Variants in ERFE observed in about 807,000 individuals in gnomAD.
ERFE encodes erythroferrone.
In ERFE, 25 loss-of-function variants were observed where a neutral mutation model predicts 26.6. The observed-to-expected ratio is 0.94, with a 90% CI of 0.69 to 1.31. The LOEUF (loss-of-function observed/expected upper bound fraction) is 1.31. ERFE is among the 40% of genes most tolerant of loss of function. The probability of loss-of-function intolerance (pLI) is 0.00; values close to 1 mark genes in which losing one functional copy is unlikely to be tolerated. For synonymous variants in ERFE, 206 were observed against 204.5 expected (o/e 1.01, Z -0.06); for missense variants, 447 against 440.2 (o/e 1.02, Z -0.14).
At position 238,168,175 on chromosome 2, in the gene ERFE, G is replaced by T; in HGVS notation, c.*1121G>T. 1 of 308,318 alleles carries T rather than the reference G, an allele frequency of 3.2e-6. No individual in the cohort carries two copies. Among genetic ancestry groups the T allele is most frequent in the Non-Finnish European group, 6.6e-6 (1 of 151,460 alleles). The allele number at this position is 308,318 out of a possible 1,614,324, so 19.1% of individuals were successfully genotyped here. On this transcript the variant is annotated 3_prime_UTR_variant, in exon 8 of 8. Transcript: ENST00000546354. Reference sequence around the variant, plus strand: ...GCTCCTGTGGCAGTGATGGGGCCTGGGGATGGGGACGGCAGCTCTCATGAG... The same window carrying T: ...GCTCCTGTGGCAGTGATGGGGCCTGTGGATGGGGACGGCAGCTCTCATGAG...
rs1055424388 is a variant in ERFE at position 238,163,855 on chromosome 2, G to A, written c.543G>A (p.Val181=). ...CCGCCGGGGAGGACGACGACGACGT[G>A]GTGGGGGACGTGCTGGCACTGCTGG... ...SATAGEDDDD[V]VGDVLALLAA... The change falls in exon 4 of 8, where the codon GTG becomes GTA. Residue 181 remains valine (V), a synonymous_variant. Coordinates refer to ENST00000546354, the MANE Select transcript of ERFE (RefSeq NM_001291832.2). 3.0e-6 allele frequency: 4 copies of A among 1,320,874 alleles called. No individual in the cohort carries two copies. In the African/African-American group the frequency reaches 4.6e-5, roughly 15 times the overall value. The allele number at this position is 1,320,874 out of a possible 1,614,324, so 81.8% of individuals were successfully genotyped here.
At chr2:238,160,189 G>A (rs1040588099) in intron 1 of ERFE, among the ~76,000 whole-genome samples, 1 of 152,224 alleles carries the variant, frequency 6.6e-6, no homozygotes, top group African/African-American at 2.4e-5. Context: ...GGGACACAGT[G>A]ACACCAGAGG....
At position 238,162,684 on chromosome 2, in the gene ERFE, G is replaced by A. The variant is rs781666605; in HGVS notation, c.322-52G>A. The A allele has an allele frequency of 4.0e-5, 48 of 1,199,094 alleles. 1 individual carries two copies. In the Admixed American group the frequency reaches 8.3e-4, roughly 21 times the overall value. 74.3% of individuals were successfully genotyped at this position (1,199,094 alleles called of 1,614,324 possible). A position where few individuals can be genotyped will look rare whatever the true frequency, so the allele number is the denominator to read the frequency against. On this transcript the variant is annotated intron_variant, in intron 2 of 7. Transcript: ENST00000546354. ...GGCAAGAGCTTGCACAGGGGATGCT[G>A]TGGCTCCCAGCCTGCTCCTCACATG...
At position 238,167,903 on chromosome 2, in the gene ERFE, G is replaced by C. The variant is rs982932415; in HGVS notation, c.*849G>C. The C allele has an allele frequency of 5.1e-6, 1 of 197,298 alleles. No individual in the cohort carries two copies. Among genetic ancestry groups the C allele is most frequent in the Non-Finnish European group, 1.1e-5 (1 of 94,488 alleles). The allele number at this position is 197,298 out of a possible 1,614,324, so 12.2% of individuals were successfully genotyped here. A position where few individuals can be genotyped will look rare whatever the true frequency, so the allele number is the denominator to read the frequency against. ...ACTCACTGGTAGGAGCCACCCACCA[G>C]AGGAAAGATCTAGAACGTCTTTACA... is the stretch of plus-strand genomic sequence containing the variant. On this transcript the variant is annotated 3_prime_UTR_variant, in exon 8 of 8. Coordinates refer to ENST00000546354, the MANE Select transcript of ERFE (RefSeq NM_001291832.2).
chr2:238,164,475 A>G, intron 6 of ERFE, 115 bp downstream of exon 6: 2 of 1,008,240 alleles, frequency 2.0e-6, no homozygotes, highest in Non-Finnish European at 2.9e-6. Flanking sequence ...ACCGTGGCCT[A>G]GGTGACCCCA....
Position 238,166,955 on chromosome 2 carries a change from G to A in ERFE, c.967-1G>A. 6.5e-7 allele frequency: 1 copy of A among 1,550,342 alleles called. No individual in the cohort carries two copies. Among genetic ancestry groups the A allele is most frequent in the East Asian group, 2.4e-5 (1 of 40,920 alleles). ...GTGCCTCAAAGGCACCCTCCTTGCAGATGGGGCAGTGGACCTCCGTGTTCT... is the reference window on the plus strand; with the variant it reads ...GTGCCTCAAAGGCACCCTCCTTGCAAATGGGGCAGTGGACCTCCGTGTTCT... On this transcript the variant is annotated splice_acceptor_variant, in intron 7 of 7. Coordinates refer to ENST00000546354, the MANE Select transcript of ERFE (RefSeq NM_001291832.2). LOFTEE classifies it high-confidence loss of function.
Position 238,168,223 on chromosome 2 carries a change from A to G in ERFE, c.*1169A>G, listed in dbSNP as rs1367148075. 2.8e-6 allele frequency: 1 copy of G among 356,364 alleles called. No individual in the cohort carries two copies. The highest frequency in any genetic ancestry group is 5.8e-6 in the Non-Finnish European group (1 of 173,118). The allele number at this position is 356,364 out of a possible 1,614,324, so 22.1% of individuals were successfully genotyped here. On this transcript the variant is annotated 3_prime_UTR_variant, in exon 8 of 8. Coordinates refer to ENST00000546354, the MANE Select transcript of ERFE (RefSeq NM_001291832.2). ...GAGGACACACAGGCTGTGAGCCCGC[A>G]GCCTCCTCAAATGTAGCCTCCCACA...
At chr2:238,166,804 T>C (rs747032049) in intron 7 of ERFE, among the ~76,000 whole-genome samples, 152 bp from the exon 8 acceptor site, 9 of 152,368 alleles carry the variant, frequency 5.9e-5, no homozygotes, top group Non-Finnish European at 1.2e-4. Context: ...GGGCCCTTGC[T>C]CTGTGACCTT....
In ERFE at chr2:238,165,689, G is replaced by A; in HGVS notation, c.966+5G>A. ...AATGGCGTCCTGTACCTGCAGGTGA[G>A]TGCGGCAGGCTTGGGCATCGAGGGG... On this transcript the variant is annotated splice_donor_5th_base_variant and intron_variant, in intron 7 of 7. Coordinates refer to ENST00000546354, the MANE Select transcript of ERFE (RefSeq NM_001291832.2). 1.3e-6 allele frequency: 2 copies of A among 1,547,154 alleles called. No individual in the cohort carries two copies. Among genetic ancestry groups the A allele is most frequent in the Non-Finnish European group, 1.7e-6 (2 of 1,144,246 alleles).
rs552319900 is a variant in ERFE at position 238,168,556 on chromosome 2, C to T, written c.*1502C>T. 21 of 431,994 alleles carry T rather than the reference C, an allele frequency of 4.9e-5. No individual in the cohort carries two copies. The highest frequency in any genetic ancestry group is 3.6e-4 in the Admixed American group (13 of 36,334). The allele number at this position is 431,994 out of a possible 1,614,324, so 26.8% of individuals were successfully genotyped here. A position where few individuals can be genotyped will look rare whatever the true frequency, so the allele number is the denominator to read the frequency against. On this transcript the variant is annotated 3_prime_UTR_variant, in exon 8 of 8. Coordinates refer to ENST00000546354, the MANE Select transcript of ERFE (RefSeq NM_001291832.2). The stretch of plus-strand genomic sequence containing the variant: ...GAGCCCAGCTTCCAAACCCCAACAT[C>T]GAATCAAACATCTCCATCCCCAAGT...
chr2:238,160,537 A>G (rs1388030846), intron 1 of ERFE, among the ~76,000 whole-genome samples: 1 of 152,136 alleles, frequency 6.6e-6, no homozygotes, highest in Non-Finnish European at 1.5e-5. Context: ...ACAAGGAAGC[A>G]CTGAGCAGCG....
intron 7 of ERFE, 96 bp downstream of exon 7, chr2:238,165,780 G>T: frequency 8.5e-7 from 1 of 1,181,730 alleles, no homozygotes. Context: ...CAGGATCACT[G>T]GGTCGGGTGC....
In ERFE at chr2:238,158,990, G is replaced by A. The variant is rs1220857079; in HGVS notation, c.-18G>A. On this transcript the variant is annotated 5_prime_UTR_variant, in exon 1 of 8. Transcript: ENST00000546354. ...TCCGAGACGCCGCGCTCGGAGCCGC[G>A]AGGGAACCGCCGCCCGCATGGCCCC... 1.2e-5 allele frequency: 3 copies of A among 251,678 alleles called. No homozygotes were observed. The highest frequency in any genetic ancestry group is 7.6e-5 in the East Asian group (1 of 13,224). 15.6% of individuals were successfully genotyped at this position (251,678 alleles called of 1,614,324 possible).
Position 238,168,553 on chromosome 2 carries a change from C to A in ERFE, c.*1499C>A. The A allele has an allele frequency of 2.3e-6, 1 of 434,386 alleles. No individual in the cohort carries two copies. Among genetic ancestry groups the A allele is most frequent in the Non-Finnish European group, 4.8e-6 (1 of 209,554 alleles). The allele number at this position is 434,386 out of a possible 1,614,324, so 26.9% of individuals were successfully genotyped here. ...CAGGAGCCCAGCTTCCAAACCCCAACATCGAATCAAACATCTCCATCCCCA... is the reference window on the plus strand; with the variant it reads ...CAGGAGCCCAGCTTCCAAACCCCAAAATCGAATCAAACATCTCCATCCCCA... On this transcript the variant is annotated 3_prime_UTR_variant, in exon 8 of 8. Coordinates refer to ENST00000546354, the MANE Select transcript of ERFE (RefSeq NM_001291832.2).
At position 238,168,480 on chromosome 2, in the gene ERFE, C is replaced by T. The variant is rs779590804; in HGVS notation, c.*1426C>T. ...ATGGCCAGTCACCTTCACCTTCTAA[C>T]TAACTAGCCTCCGGATGAGGTGGCT... On this transcript the variant is annotated 3_prime_UTR_variant, in exon 8 of 8. Coordinates refer to ENST00000546354, the MANE Select transcript of ERFE (RefSeq NM_001291832.2). The T allele has an allele frequency of 2.1e-6, 1 of 470,774 alleles. No homozygotes were observed. Among genetic ancestry groups the T allele is most frequent in the Non-Finnish European group, 4.4e-6 (1 of 226,818 alleles). The allele number at this position is 470,774 out of a possible 1,614,324, so 29.2% of individuals were successfully genotyped here.
chr2:238,161,286 G>A (rs1195479065), intron 1 of ERFE, among the ~76,000 whole-genome samples: 2 of 152,322 alleles, frequency 1.3e-5, no homozygotes, highest in South Asian at 2.1e-4. Context: ...CCAGCAGTAC[G>A]GGGATTCACC....
At chr2:238,166,628 C>CGA (rs1166497195) in intron 7 of ERFE, among the ~76,000 whole-genome samples, 2 of 152,230 alleles carry the variant, frequency 1.3e-5, no homozygotes, top group Non-Finnish European at 2.9e-5. Flanking sequence ...GCCACCCTCC[C>CGA]ACCTGACTTG....
intron 1 of ERFE, among the ~76,000 whole-genome samples, chr2:238,160,062 C>T (rs1168880326): frequency 6.6e-6 from 1 of 152,224 alleles, no homozygotes; most frequent in African/African-American, 2.4e-5. Flanking sequence ...CCTCCCCGTG[C>T]AGTTGGCCAA....
At chr2:238,162,901 C>A in intron 3 of ERFE, 63 bp downstream of exon 3, 1 of 1,366,666 alleles carries the variant, frequency 7.3e-7, no homozygotes, top group Non-Finnish European at 1.0e-6. Flanking sequence ...GGAGGGTGTC[C>A]CGAGGAGCTG....
Sources: gnomAD v4.1 joint callset for allele counts (sites outside exome capture counted in the v4.1 genomes callset) on GRCh38, gnomAD v4.1.1 for gene constraint, MANE v1.5 for transcripts, NCBI Gene and HGNC (gene_info 2026-07-23, HGNC 2026-07-21) for gene names.